The following PHYKPL variants were observed in gnomAD, a reference collection of about 807,000 sequenced individuals.
The protein encoded by PHYKPL is 5-phosphohydroxy-L-lysine phospho-lyase.
A neutral mutation model predicts 51.3 loss-of-function variants in PHYKPL; 42 were observed. That is an observed-to-expected ratio of 0.82 (90% confidence interval 0.64 to 1.06). The LOEUF is 1.06. Among genes scored for constraint, PHYKPL ranks in the 50% least tolerant of loss-of-function variants. The probability of loss-of-function intolerance (pLI) is 0.00; values close to 1 mark genes in which losing one functional copy is unlikely to be tolerated. For missense variants in PHYKPL, 655 were observed against 586.6 expected, an observed-to-expected ratio of 1.12 and a Z score of -1.20; for synonymous variants, 264 against 236.0, an observed-to-expected ratio of 1.12 and a Z score of -1.09.
chr5:178,225,495 G>C, intron 3 of PHYKPL, 66 bp from the exon 4 acceptor site: 2 of 1,512,652 alleles, frequency 1.3e-6, no homozygotes, highest in African/African-American at 2.7e-5. Context: ...GAAATGCTGA[G>C]GGCAGGAGGA....
Position 178,227,234 on chromosome 5 carries a change from A to C in PHYKPL, c.339-1805T>G, listed in dbSNP as rs1031121609. Among the ~76,000 whole-genome samples, 36 of 152,172 alleles carry C rather than the reference A, an allele frequency of 2.4e-4. 1 individual carries two copies. Among genetic ancestry groups the C allele is most frequent in the African/African-American group, 8.7e-4 (36 of 41,446 alleles). Reference sequence around the variant, plus strand: ...TTATAAGAGAAAATCTGGACACACAAAGAGACACCAGGGACACCTGCACTC... The same window carrying C: ...TTATAAGAGAAAATCTGGACACACACAGAGACACCAGGGACACCTGCACTC... On this transcript the variant is annotated intron_variant, in intron 3 of 12. Transcript: ENST00000308158.
At chr5:178,232,216 C>G (rs1377906494) in intron 1 of PHYKPL, 13 of 1,259,760 alleles carry the variant, frequency 1.0e-5, no homozygotes, top group Non-Finnish European at 1.3e-5. Flanking sequence ...CACAGCCGAA[C>G]AGCGGTGAGG....
chr5:178,216,983 G>C (rs1334547101), intron 8 of PHYKPL: 1 of 152,220 alleles, frequency 6.6e-6, no homozygotes, highest in African/African-American at 2.4e-5. Flanking sequence ...AGTGAGCCAA[G>C]ACTCCAGCCT....
intron 12 of PHYKPL, chr5:178,210,320 G>A: frequency 6.2e-7 from 1 of 1,612,890 alleles, no homozygotes; most frequent in Non-Finnish European, 8.5e-7. Flanking sequence ...TCGTCCCCAG[G>A]GGAGGCAGGA....
At chr5:178,215,751 G>A (rs904157578) in intron 8 of PHYKPL, 2 of 282,600 alleles carry the variant, frequency 7.1e-6, no homozygotes, top group Admixed American at 5.1e-5. Context: ...GAGGCTTTAA[G>A]GCCCCATCTC....
At chr5:178,224,172 C>T (rs375954110) in intron 6 of PHYKPL, among the ~76,000 whole-genome samples, 2 of 152,216 alleles carry the variant, frequency 1.3e-5, no homozygotes, top group African/African-American at 4.8e-5. Context: ...CCCACCCCAC[C>T]TGGAGTGGCT....
chr5:178,210,519 A>AAAT (rs1379845016), intron 12 of PHYKPL: 9 of 1,604,562 alleles, frequency 5.6e-6, no homozygotes, highest in Non-Finnish European at 7.7e-6. Flanking sequence ...AAATGCTTGT[A>AAAT]AATAGTAGCT....
intron 4 of PHYKPL, chr5:178,225,000 G>T: frequency 1.8e-6 from 1 of 566,336 alleles, no homozygotes; most frequent in East Asian, 2.9e-5. Context: ...CCTCCTTCTG[G>T]TTTATAATGA....
chr5:178,228,292 G>T, intron 3 of PHYKPL: 1 of 527,434 alleles, frequency 1.9e-6, no homozygotes, highest in Non-Finnish European at 3.4e-6. Flanking sequence ...GGCTAGAGAA[G>T]CTGATAGAAA....
chr5:178,212,975 G>A lies in PHYKPL; in HGVS notation c.1301C>T (p.Thr434Ile). 2 of 1,614,098 alleles carry A rather than the reference G, an allele frequency of 1.2e-6. No individual in the cohort carries two copies. The highest frequency in any genetic ancestry group is 1.7e-6 in the Non-Finnish European group (2 of 1,179,980). ...QVVAKLDAIL[T>I]DMEEKVRSCE... ...CCAAGCTCAGGCTTCAAGCTCACCAGTCAGAATGGCATCCAGCTTTGCCAC... is the reference window on the plus strand; with the variant it reads ...CCAAGCTCAGGCTTCAAGCTCACCAATCAGAATGGCATCCAGCTTTGCCAC... The change falls in exon 11 of 13, where the codon ACT becomes ATT. Residue 434 changes from threonine (T) to isoleucine (I), a missense_variant and splice_region_variant. Physicochemically the swap from Thr to Ile is moderately conservative, Grantham distance 89. Transcript: ENST00000308158.
chr5:178,227,098 A>C (rs749658146), intron 3 of PHYKPL, among the ~76,000 whole-genome samples: 4 of 151,844 alleles, frequency 2.6e-5, no homozygotes, highest in East Asian at 1.9e-4. Context: ...TTGAACCCCT[A>C]ATCCCCGGTA....
At position 178,213,010 on chromosome 5, in the gene PHYKPL, T is replaced by G; in HGVS notation, c.1266A>C (p.Ala422=). The change falls in exon 11 of 13, where the codon GCA becomes GCC. Residue 422 remains alanine, a synonymous_variant. Transcript: ENST00000308158. ...CATCCAGCTTTGCCACCACCTGCCG[T>G]GCATTGTCCAGGCTGAAGCACATTG... ...KPPMCFSLDN[A]RQVVAKLDAI... 1 of 1,614,172 alleles carries G rather than the reference T, an allele frequency of 6.2e-7. No individual in the cohort carries two copies.
chr5:178,217,313 C>T (rs1760008123), intron 8 of PHYKPL, among the ~76,000 whole-genome samples: 2 of 151,706 alleles, frequency 1.3e-5, no homozygotes, highest in South Asian at 4.2e-4. Context: ...TGCCGCCTCC[C>T]AGGTTCAGGC....
intron 3 of PHYKPL, chr5:178,226,078 CTTTTTTTTTT>C (rs112189205): frequency 7.3e-6 from 1 of 136,788 alleles, no homozygotes; most frequent in Admixed American, 7.4e-5. Flanking sequence ...TTTGGAATTT[CTTTTTTTTTT>C]TTTTTTTGAG....
At chr5:178,210,524 G>GT in intron 12 of PHYKPL, 1 of 1,607,760 alleles carries the variant, frequency 6.2e-7, no homozygotes, top group Non-Finnish European at 8.5e-7. Context: ...CTTGTAAATA[G>GT]TAGCTGCTAT....
Position 178,215,309 on chromosome 5 carries a change from T to G in PHYKPL, c.1049A>C (p.Gln350Pro). 6.2e-7 allele frequency: 1 copy of G among 1,614,078 alleles called. No homozygotes were observed. The highest frequency in any genetic ancestry group is 8.5e-7 in the Non-Finnish European group (1 of 1,179,974). Residue 350 changes from glutamine to proline, a missense_variant, in exon 9 of 13, where the codon CAA (glutamine) becomes CCA (proline). Gln to Pro is a moderately conservative substitution (Grantham distance 76, BLOSUM62 -1). Transcript: ENST00000308158. Reference sequence around the variant, plus strand: ...CCCGACGATGGGATGTTTGATTTTTTGCTGCCCGAGGAGCTGCATCAGGAA... The same window carrying G: ...CCCGACGATGGGATGTTTGATTTTTGGCTGCCCGAGGAGCTGCATCAGGAA... Reference protein sequence around the residue: ...GSFLMQLLGQQKIKHPIVGDV... With the variant: ...GSFLMQLLGQPKIKHPIVGDV...
chr5:178,220,520 T>C (rs149798447), intron 8 of PHYKPL, among the ~76,000 whole-genome samples: 1 of 152,040 alleles, frequency 6.6e-6, no homozygotes, highest in East Asian at 1.9e-4. Context: ...CAAAAAAGGA[T>C]ATACACTATA....
chr5:178,209,844 T>C (rs1581176081), intron 12 of PHYKPL, among the ~76,000 whole-genome samples: 1 of 152,224 alleles, frequency 6.6e-6, no homozygotes, highest in East Asian at 1.9e-4. Context: ...ACTGCATCTT[T>C]TTAAAGGCTA....
intron 4 of PHYKPL, 93 bp from the exon 5 acceptor site, chr5:178,224,822 A>C: frequency 1.0e-6 from 1 of 972,504 alleles, no homozygotes; most frequent in South Asian, 1.6e-5. Flanking sequence ...GAAGACACAC[A>C]AGGGAGGCCA....
Sources: gnomAD v4.1 joint callset for allele counts (sites outside exome capture counted in the v4.1 genomes callset) on GRCh38, gnomAD v4.1.1 for gene constraint, MANE v1.5 for transcripts, NCBI Gene and HGNC (gene_info 2026-07-23, HGNC 2026-07-21) for gene names.